HBS1L: variants seen among roughly 807,000 people sequenced by gnomAD.
The protein encoded by HBS1L is HBS1-like protein.
In HBS1L, 55 loss-of-function variants were observed where a neutral mutation model predicts 88.9. That is an observed-to-expected ratio of 0.62 (90% CI 0.50 to 0.77). HBS1L has a LOEUF of 0.77. Ranked by LOEUF, HBS1L falls within the 30% of genes least tolerant of loss-of-function variation. The pLI, the probability that HBS1L is intolerant of heterozygous loss-of-function variation, is 0.00. For synonymous variants in HBS1L, 267 were observed against 288.5 expected, an observed-to-expected ratio of 0.93 and a Z score of 0.76; for missense variants, 741 against 829.3, an observed-to-expected ratio of 0.89 and a Z score of 1.31.
At chr6:134,969,383 C>G (rs1294679394) in intron 15 of HBS1L, 45 bp from the exon 16 acceptor site, 1 of 1,187,752 alleles carries the variant, frequency 8.4e-7, no homozygotes, top group Non-Finnish European at 1.3e-6. Context: ...ACCACAGTAT[C>G]TCTGGCCTTT....
At chr6:135,000,269 C>T (rs142576442) in intron 5 of HBS1L, among the ~76,000 whole-genome samples, 88 of 143,718 alleles carry the variant, frequency 6.1e-4, no homozygotes, top group African/African-American at 2.1e-3. Context: ...ATATATTGCC[C>T]GAGCTGGTCT....
chr6:135,054,642 CACCT>C lies in HBS1L; in HGVS notation c.43+3_43+6del, dbSNP rs988273140. On this transcript the variant is annotated splice_donor_5th_base_variant and intron_variant, in intron 1 of 17. Transcript: ENST00000367837. Reference sequence around the variant, plus strand: ...AAAGAACGTCCCGGCATGACCCTGCCACCTACCTTCATCGTAGTTATAGCCTCGA... The same window carrying C: ...AAAGAACGTCCCGGCATGACCCTGCCACCTTCATCGTAGTTATAGCCTCGA... 3.7e-6 allele frequency: 6 copies of C among 1,614,232 alleles called. No homozygotes were observed. The highest frequency in any genetic ancestry group is 5.1e-6 in the Non-Finnish European group (6 of 1,180,026).
intron 2 of HBS1L, among the ~76,000 whole-genome samples, chr6:135,047,486 A>C (rs955200427): frequency 2.0e-5 from 3 of 152,172 alleles, no homozygotes; most frequent in African/African-American, 7.2e-5. Flanking sequence ...GCATACCACG[A>C]GCATACCCCA....
rs193190586 is a variant in HBS1L, at chr6:135,004,873, G to A, written c.431-2031C>T. 3.8e-3 allele frequency among the ~76,000 whole-genome samples: 577 copies of A among 152,264 alleles called. 3 individuals are homozygous for A. Among genetic ancestry groups the A allele is most frequent in the African/African-American group, 0.012 (516 of 41,552 alleles). On this transcript the variant is annotated intron_variant, in intron 4 of 17. Transcript: ENST00000367837. ...TAATTGAAGACATAGATACAGGCGA[G>A]ACCACCAAGGGAGAGAGCACAGAGA...
chr6:134,969,192 A>T (rs1774409602), intron 16 of HBS1L, 46 bp downstream of exon 16: 3 of 1,226,586 alleles, frequency 2.4e-6, no homozygotes, highest in Non-Finnish European at 3.6e-6. Context: ...TCTTTAAAAA[A>T]TTGGCTTAAA....
rs1350606331 is a variant in HBS1L at position 134,961,525 on chromosome 6, A to C, written c.*3754T>G. 1 of 152,214 alleles carries C rather than the reference A, an allele frequency of 6.6e-6. No individual in the cohort carries two copies. The highest frequency in any genetic ancestry group is 2.4e-5 in the African/African-American group (1 of 41,458). The allele number at this position is 152,214 out of a possible 1,614,324, so 9.4% of individuals were successfully genotyped here. ...ATCATGCCTGAGCACAGATAAAAAC[A>C]AAGTCACTGTGCAAACCATAAACAG... On this transcript the variant is annotated 3_prime_UTR_variant, in exon 18 of 18. Coordinates refer to ENST00000367837, the MANE Select transcript of HBS1L (RefSeq NM_006620.4).
At chr6:135,024,542 T>G (rs1463243743) in intron 4 of HBS1L, among the ~76,000 whole-genome samples, 2 of 119,230 alleles carry the variant, frequency 1.7e-5, no homozygotes, top group Non-Finnish European at 3.5e-5. Flanking sequence ...TTTATACTCT[T>G]GGGGGTGTTT....
intron 2 of HBS1L, among the ~76,000 whole-genome samples, chr6:135,044,348 C>A (rs1454600673): frequency 6.6e-6 from 1 of 152,054 alleles, no homozygotes; most frequent in Admixed American, 6.6e-5. Flanking sequence ...ATTCTGAAGA[C>A]CACAAAGTTT....
chr6:134,965,046 C>T lies in HBS1L; in HGVS notation c.*233G>A. ...TTAGCAAAGTAAATCCATTTATTAA[C>T]GTTTCAAAGGCAAAGTTGTTTTTAA... On this transcript the variant is annotated 3_prime_UTR_variant, in exon 18 of 18. Coordinates refer to ENST00000367837, the MANE Select transcript of HBS1L (RefSeq NM_006620.4). 9.1e-6 allele frequency: 5 copies of T among 549,028 alleles called. No individual in the cohort carries two copies. Among genetic ancestry groups the T allele is most frequent in the Admixed American group, 3.6e-5 (1 of 27,714 alleles). The allele number at this position is 549,028 out of a possible 1,614,324, so 34.0% of individuals were successfully genotyped here.
chr6:134,974,674 C>T (rs2114758232), intron 15 of HBS1L, among the ~76,000 whole-genome samples: 1 of 150,818 alleles, frequency 6.6e-6, no homozygotes, highest in East Asian at 1.9e-4. Flanking sequence ...ATGATCATCT[C>T]AATAGATGCG....
At chr6:135,026,305 C>T (rs1033625604) in intron 4 of HBS1L, among the ~76,000 whole-genome samples, 3 of 152,016 alleles carry the variant, frequency 2.0e-5, no homozygotes, top group Non-Finnish European at 4.4e-5. Flanking sequence ...TGTAAATGTT[C>T]ACATCTCCAT....
chr6:135,007,518 A>G (rs1259945555), intron 4 of HBS1L, among the ~76,000 whole-genome samples: 1 of 152,174 alleles, frequency 6.6e-6, no homozygotes, highest in Non-Finnish European at 1.5e-5. Flanking sequence ...ATCCACAGTC[A>G]AGGATAAAAA....
chr6:135,035,408 T>C (rs1441789636), intron 4 of HBS1L, among the ~76,000 whole-genome samples: 1 of 148,546 alleles, frequency 6.7e-6, no homozygotes, highest in Non-Finnish European at 1.5e-5. Context: ...GTCACTGCAC[T>C]CCAGCCTGGC....
At chr6:135,035,958 T>A (rs1244751671) in intron 4 of HBS1L, 1 of 601,778 alleles carries the variant, frequency 1.7e-6, no homozygotes, top group East Asian at 1.4e-4. Flanking sequence ...AACTTCTATA[T>A]TTACATGGTC....
chr6:134,985,878 C>T (rs1249803375), intron 11 of HBS1L, among the ~76,000 whole-genome samples, 188 bp downstream of exon 11: 1 of 152,102 alleles, frequency 6.6e-6, no homozygotes, highest in East Asian at 1.9e-4. Context: ...GCACTAGCCT[C>T]ATAAACTGAG....
intron 4 of HBS1L, among the ~76,000 whole-genome samples, chr6:135,018,808 G>A (rs910243539): frequency 2.6e-5 from 4 of 151,632 alleles, no homozygotes; most frequent in African/African-American, 9.7e-5. Flanking sequence ...CAAATACATT[G>A]GTGTTTTTTT....
Position 134,965,155 on chromosome 6 carries a change from A to G in HBS1L, c.*124T>C, listed in dbSNP as rs191703562. ...CTTCTTTGCAGCTAATTTTAGCTTT[A>G]ATTTTTCTCTCTCATCTAAAAACAT... On this transcript the variant is annotated 3_prime_UTR_variant, in exon 18 of 18. Coordinates refer to ENST00000367837, the MANE Select transcript of HBS1L (RefSeq NM_006620.4). 31 of 847,020 alleles carry G rather than the reference A, an allele frequency of 3.7e-5. No homozygotes were observed. Among genetic ancestry groups the G allele is most frequent in the Non-Finnish European group, 2.4e-5 (12 of 510,234 alleles). 52.5% of individuals were successfully genotyped at this position (847,020 alleles called of 1,614,324 possible).
intron 1 of HBS1L, 86 bp from the exon 2 acceptor site, chr6:135,050,733 C>CA: frequency 1.3e-6 from 1 of 786,646 alleles, no homozygotes; most frequent in Non-Finnish European, 2.1e-6. Context: ...GAATCCTCTC[C>CA]AAAATAAACT....
At chr6:135,004,326 G>A (rs556502432) in intron 4 of HBS1L, among the ~76,000 whole-genome samples, 41 of 151,868 alleles carry the variant, frequency 2.7e-4, no homozygotes, top group Middle Eastern at 6.8e-3. Flanking sequence ...ATATGGTGCC[G>A]TAAAATTTGA....
Sources: allele counts gnomAD v4.1 joint callset (sites outside exome capture counted in the v4.1 genomes callset), GRCh38; gene constraint gnomAD v4.1.1; transcripts MANE v1.5; gene names NCBI Gene and HGNC (gene_info 2026-07-23, HGNC 2026-07-21).